EYS: variants seen among roughly 807,000 people sequenced by gnomAD.
EYS encodes the protein EGF-like photoreceptor maintenance factor.
A neutral mutation model predicts 282.1 loss-of-function variants in EYS; 250 were observed. The observed-to-expected ratio is 0.89, with a 90% CI of 0.80 to 0.98. The LOEUF (loss-of-function observed/expected upper bound fraction) is 0.98, where lower values mean the gene tolerates loss of function less well. EYS is among the 50% of genes least tolerant of loss of function. The pLI is 0.00. For missense variants in EYS, 4,016 were observed against 3,709.0 expected (o/e 1.08, Z -2.15); for synonymous variants, 1,355 against 1,282.9 (o/e 1.06, Z -1.20).
intron 14 of EYS, among the ~76,000 whole-genome samples, chr6:64,963,902 T>C (rs191981537): frequency 3.5e-4 from 54 of 152,262 alleles, no homozygotes; most frequent in Admixed American, 2.8e-3. Flanking sequence ...TAAGTTGTAA[T>C]ACATAATATA....
At chr6:64,537,932 G>T (rs1363110666) in intron 26 of EYS, among the ~76,000 whole-genome samples, 1 of 152,050 alleles carries the variant, frequency 6.6e-6, no homozygotes, top group African/African-American at 2.4e-5. Flanking sequence ...TTTTTTACTG[G>T]GTAAGAGATC....
rs151003843 is a variant in EYS, at chr6:65,421,667, C to T, written c.863-16300G>A. ...CATTAAGCTTCTTTCTACAAACATA[C>T]ATGTCTCATTTGAATTGAGAGATGT... On this transcript the variant is annotated intron_variant, in intron 5 of 42. Coordinates refer to ENST00000503581, the MANE Select transcript of EYS (RefSeq NM_001142800.2). Among the ~76,000 whole-genome samples the T allele has an allele frequency of 2.8e-4, 42 of 151,980 alleles. 1 individual carries two copies. The East Asian group carries it at 7.7e-3, about 28-fold the overall frequency.
intron 37 of EYS, among the ~76,000 whole-genome samples, chr6:63,804,068 GTGCAACACTGCAA>G (rs1294028560): frequency 6.6e-6 from 1 of 152,124 alleles, no homozygotes; most frequent in African/African-American, 2.4e-5. Flanking sequence ...CCAGGCTGGA[GTGCAACACTGCAA>G]TCTCGGCTCA....
At chr6:64,266,474 C>T (rs902243951) in intron 30 of EYS, among the ~76,000 whole-genome samples, 2 of 152,132 alleles carry the variant, frequency 1.3e-5, no homozygotes, top group African/African-American at 4.8e-5. Context: ...GTGAAACTGT[C>T]TTCAGTTCAG....
intron 41 of EYS, among the ~76,000 whole-genome samples, chr6:63,734,568 G>A (rs1248570375): frequency 6.6e-6 from 1 of 152,126 alleles, no homozygotes; most frequent in Non-Finnish European, 1.5e-5. Context: ...AGAAGTAGCA[G>A]TGGAGGTAGT....
intron 26 of EYS, among the ~76,000 whole-genome samples, chr6:64,449,598 A>G (rs149986876): frequency 0.28 from 42,102 of 151,974 alleles, 5,958 homozygotes; most frequent in East Asian, 0.46. Context: ...ATTAAGGGTA[A>G]CCAGAGAGAA....
chr6:65,337,828 T>C (rs1216066187), intron 10 of EYS, among the ~76,000 whole-genome samples: 7 of 150,896 alleles, frequency 4.6e-5, no homozygotes. Context: ...TTAATTATTA[T>C]ATATTTATTA....
At chr6:64,380,964 G>T (rs1194540200) in intron 29 of EYS, among the ~76,000 whole-genome samples, 2 of 149,516 alleles carry the variant, frequency 1.3e-5, no homozygotes. Flanking sequence ...GCAGTGAGCC[G>T]AGAAATCGTG....
At position 64,591,246 on chromosome 6, in the gene EYS, T is replaced by C; in HGVS notation, c.4621A>G (p.Ile1541Val). The C allele has an allele frequency of 1.9e-6, 3 of 1,551,430 alleles. No homozygotes were observed. The highest frequency in any genetic ancestry group is 2.6e-6 in the Non-Finnish European group (3 of 1,146,814). The stretch of plus-strand genomic sequence containing the variant: ...AAAGAATCAGCAGCCTGTGATTTGA[T>C]GTTTGTGAGTCTCTGGTTGCTTGAA... ...EASSNQRLTN[I>V]KSQAADSLRE... The change falls in exon 26 of 43, where the codon ATC becomes GTC. Residue 1541 changes from isoleucine to valine, a missense_variant. Transcript: ENST00000503581.
Position 64,801,824 on chromosome 6 carries a change from A to T in EYS, c.3443+11554T>A, listed in dbSNP as rs530845780. Among the ~76,000 whole-genome samples the T allele has an allele frequency of 2.0e-5, 3 of 152,160 alleles. No homozygotes were observed. The East Asian group carries it at 5.8e-4, about 29-fold the overall frequency. Reference sequence around the variant, plus strand: ...CATGAGGAGAAAGAAGGAAGTGGACATGGTAGAAAGAAATGTACCATACCC... The same window carrying T: ...CATGAGGAGAAAGAAGGAAGTGGACTTGGTAGAAAGAAATGTACCATACCC... On this transcript the variant is annotated intron_variant, in intron 22 of 42. Coordinates refer to ENST00000503581, the MANE Select transcript of EYS (RefSeq NM_001142800.2).
chr6:64,412,920 ATT>A (rs1773947816), intron 28 of EYS: 1 of 152,096 alleles, frequency 6.6e-6, no homozygotes, highest in East Asian at 1.9e-4. Flanking sequence ...TAGAGACAAA[ATT>A]TTGGATGGAG....
chr6:65,083,760 GCTTT>G, intron 12 of EYS, among the ~76,000 whole-genome samples: 2 of 151,670 alleles, frequency 1.3e-5, no homozygotes, highest in East Asian at 3.9e-4. Flanking sequence ...CTCTAAGTAT[GCTTT>G]CTATTAGAGT....
intron 15 of EYS, among the ~76,000 whole-genome samples, chr6:64,917,198 G>A (rs1005964313): frequency 1.3e-5 from 2 of 150,568 alleles, no homozygotes; most frequent in Non-Finnish European, 2.9e-5. Flanking sequence ...GCAGTGAGCA[G>A]AGATCGTGCC....
At chr6:64,099,762 G>GA (rs1486469461) in intron 31 of EYS, among the ~76,000 whole-genome samples, 3 of 152,054 alleles carry the variant, frequency 2.0e-5, no homozygotes, top group Admixed American at 6.5e-5. Context: ...TTTCCAAACA[G>GA]AAAAAGTTAC....
At chr6:65,081,213 G>T (rs62407185) in intron 12 of EYS, among the ~76,000 whole-genome samples, 2,301 of 152,120 alleles carry the variant, frequency 0.015, 32 homozygotes, top group Non-Finnish European at 0.022. Flanking sequence ...ATACTGAAAT[G>T]ACCATTTTCT....
chr6:65,246,361 T>A (rs1318041996), intron 12 of EYS, among the ~76,000 whole-genome samples: 1 of 152,128 alleles, frequency 6.6e-6, no homozygotes, highest in Non-Finnish European at 1.5e-5. Context: ...GAAGACTGAA[T>A]GCAAATAAAA....
At chr6:64,975,358 CCTT>C (rs1770443395) in intron 14 of EYS, among the ~76,000 whole-genome samples, 1 of 151,800 alleles carries the variant, frequency 6.6e-6, no homozygotes, top group African/African-American at 2.4e-5. Flanking sequence ...AGCAAAAACT[CCTT>C]CTCTCTGTGC....
At chr6:64,671,574 G>C (rs1334416983) in intron 22 of EYS, among the ~76,000 whole-genome samples, 1 of 152,090 alleles carries the variant, frequency 6.6e-6, no homozygotes, top group East Asian at 1.9e-4. Flanking sequence ...GTCATTTCAG[G>C]GATGAGGAAG....
chr6:65,334,937 T>G, intron 11 of EYS, 43 bp downstream of exon 11: 1 of 1,559,058 alleles, frequency 6.4e-7, no homozygotes, highest in Non-Finnish European at 8.8e-7. Flanking sequence ...TAATTATAAC[T>G]TTTTGATATG....
Sources: allele counts gnomAD v4.1 joint callset (sites outside exome capture counted in the v4.1 genomes callset), GRCh38; gene constraint gnomAD v4.1.1; transcripts MANE v1.5; gene names NCBI Gene and HGNC (gene_info 2026-07-23, HGNC 2026-07-21).